The following MYRF variants were observed in gnomAD, a reference collection of about 807,000 sequenced individuals.
The protein encoded by MYRF is myelin gene regulatory factor.
MYRF carries 16 observed loss-of-function variants against 126.3 expected under a neutral mutation model. The observed-to-expected ratio is 0.13, with a 90% CI of 0.09 to 0.19. The LOEUF is 0.19. Ranked by LOEUF, MYRF falls within the 10% of genes least tolerant of loss-of-function variation. The pLI, the probability that MYRF is intolerant of heterozygous loss-of-function variation, is 1.00. For missense variants in MYRF, 1,104 were observed against 1,547.0 expected (o/e 0.71, Z 4.80); for synonymous variants, 608 against 635.3 (o/e 0.96, Z 0.65).
Position 61,779,517 on chromosome 11 carries a change from A to C in MYRF, c.2194A>C (p.Ser732Arg), listed in dbSNP as rs780298957. ...CTGCAGCCATGCAGGGAGCCAGTTC[A>C]GTCGGGCGGGCAGCGTCCCCCACAA... ...GAFSHAGSQF[S>R]RAGSVPHKKR... Residue 732 changes from serine to arginine, a missense_variant, in exon 16 of 27, where the codon AGT becomes CGT. By Grantham distance (110) the Ser-to-Arg change is moderately radical. Around this residue, in one of 10 missense-constraint regions of MYRF, gnomAD observed 323 missense variants for 383.1 expected, o/e 0.84. Coordinates refer to ENST00000278836, the MANE Select transcript of MYRF (RefSeq NM_001127392.3). The C allele has an allele frequency of 8.6e-6, 13 of 1,516,990 alleles. No individual in the cohort carries two copies. Among genetic ancestry groups the C allele is most frequent in the Non-Finnish European group, 1.1e-5 (12 of 1,129,976 alleles). The allele number at this position is 1,516,990 out of a possible 1,614,324, so 94.0% of individuals were successfully genotyped here.
chr11:61,785,726 G>A (rs561442897), intron 25 of MYRF, 74 bp from the exon 26 acceptor site: 37 of 1,287,154 alleles, frequency 2.9e-5, no homozygotes, highest in South Asian at 1.1e-4. Context: ...CCAGGACTGC[G>A]ACGGCCGTGG....
intron 1 of MYRF, among the ~76,000 whole-genome samples, chr11:61,759,663 T>G (rs1270588445): frequency 6.6e-6 from 1 of 151,770 alleles, no homozygotes; most frequent in Non-Finnish European, 1.5e-5. Flanking sequence ...GAGTGAAACT[T>G]TGTCTCAAAA....
intron 18 of MYRF, 117 bp from the exon 19 acceptor site, chr11:61,780,594 AG>A: frequency 9.9e-7 from 1 of 1,011,784 alleles, no homozygotes; most frequent in African/African-American, 1.6e-5. Flanking sequence ...GGGCCAGGGC[AG>A]GGCCTTGGGC....
intron 21 of MYRF, 115 bp from the exon 22 acceptor site, chr11:61,781,458 C>T (rs1056367764): frequency 2.0e-5 from 31 of 1,539,706 alleles, no homozygotes; most frequent in Non-Finnish European, 2.6e-5. Context: ...GGGAAGTTCC[C>T]CTGAGAGGAC....
At chr11:61,760,239 T>C (rs546991529) in intron 1 of MYRF, among the ~76,000 whole-genome samples, 2 of 152,260 alleles carry the variant, frequency 1.3e-5, no homozygotes, top group African/African-American at 4.8e-5. Flanking sequence ...AGTGCTGGGA[T>C]TACAGGTGTG....
At chr11:61,752,988 G>A (rs1324312137) in intron 1 of MYRF, among the ~76,000 whole-genome samples, 198 bp downstream of exon 1, 1 of 151,986 alleles carries the variant, frequency 6.6e-6, no homozygotes, top group African/African-American at 2.4e-5. Flanking sequence ...CTGAAGTTGG[G>A]CTCCCCCTCC....
Position 61,776,537 on chromosome 11 carries a change from C to G in MYRF, c.1499+105C>G. 1 of 941,950 alleles carries G rather than the reference C, an allele frequency of 1.1e-6. No individual in the cohort carries two copies. Among genetic ancestry groups the G allele is most frequent in the Middle Eastern group, 2.2e-4 (1 of 4,610 alleles). 58.3% of individuals were successfully genotyped at this position (941,950 alleles called of 1,614,324 possible). A position where few individuals can be genotyped will look rare whatever the true frequency, so the allele number is the denominator to read the frequency against. On this transcript the variant is annotated intron_variant, in intron 10 of 26. Coordinates refer to ENST00000278836, the MANE Select transcript of MYRF (RefSeq NM_001127392.3). The surrounding 1 kb of genome is among the most constrained non-coding windows in gnomAD (Gnocchi z 4.3). Reference sequence around the variant, plus strand: ...CAGAGTCCTACAGGCTGAGCCATTTCACAGATGAGAGACCTGAGATTTAGA... The same window carrying G: ...CAGAGTCCTACAGGCTGAGCCATTTGACAGATGAGAGACCTGAGATTTAGA...
intron 26 of MYRF, 73 bp from the exon 27 acceptor site, chr11:61,785,990 C>A: frequency 6.4e-7 from 1 of 1,556,244 alleles, no homozygotes; most frequent in Non-Finnish European, 8.9e-7. Flanking sequence ...CAGTGTCAAG[C>A]AATGTCAGCA....
chr11:61,777,643 T>G lies in MYRF; in HGVS notation c.1792-91T>G, dbSNP rs2066423625. The G allele has an allele frequency of 7.3e-7, 1 of 1,362,674 alleles. No individual in the cohort carries two copies. Among genetic ancestry groups the G allele is most frequent in the Non-Finnish European group, 1.0e-6 (1 of 987,618 alleles). 84.4% of individuals were successfully genotyped at this position (1,362,674 alleles called of 1,614,324 possible). A position where few individuals can be genotyped will look rare whatever the true frequency, so the allele number is the denominator to read the frequency against. On this transcript the variant is annotated intron_variant, in intron 12 of 26. Transcript: ENST00000278836. This position sits in a 1 kb window ranked among gnomAD's most constrained non-coding sequence, Gnocchi z 8.8. ...CAGTGGTGGGGTCTCCTCTCCACAC[T>G]GCAGCCTCCAGGCTGCCGCCCTCCT...
rs1433683019 is a variant in MYRF at position 61,780,264 on chromosome 11, AGAG to A, written c.2385_2387del (p.Glu795del). The A allele has an allele frequency of 1.9e-6, 3 of 1,613,758 alleles. No homozygotes were observed. The highest frequency in any genetic ancestry group is 8.5e-7 in the Non-Finnish European group (1 of 1,179,878). On this transcript the variant is annotated inframe_deletion, in exon 18 of 27. Coordinates refer to ENST00000278836, the MANE Select transcript of MYRF (RefSeq NM_001127392.3). The stretch of plus-strand genomic sequence containing the variant: ...CACTGTACGTGCTGAGCCTGCGCAC[AGAG>A]GAGGACCTGGTAGACACTGATGGGT...
rs2066234692 is a variant in MYRF, at chr11:61,771,961, C to T, written c.1115+9C>T. The stretch of plus-strand genomic sequence containing the variant: ...GCTAACTACAAGGAGCTGTGAGTGC[C>T]CTACAACACTCCCCACTCCTCCAGG... On this transcript the variant is annotated intron_variant, in intron 7 of 26. Transcript: ENST00000278836. 6.2e-7 allele frequency: 1 copy of T among 1,613,854 alleles called. No homozygotes were observed. Among genetic ancestry groups the T allele is most frequent in the Non-Finnish European group, 8.5e-7 (1 of 1,179,868 alleles).
Position 61,770,345 on chromosome 11 carries a change from G to GGGCCC in MYRF, c.560_561insGGCCC (p.Pro188AlafsTer22). 78 of 1,504,430 alleles carry GGGCCC rather than the reference G, an allele frequency of 5.2e-5. No homozygotes were observed. The highest frequency in any genetic ancestry group is 6.6e-5 in the Non-Finnish European group (73 of 1,109,130). The allele number at this position is 1,504,430 out of a possible 1,614,324, so 93.2% of individuals were successfully genotyped here. A position where few individuals can be genotyped will look rare whatever the true frequency, so the allele number is the denominator to read the frequency against. The stretch of plus-strand genomic sequence containing the variant: ...CCCCCACCTCCAGCCCACTTGCCAG[G>GGGCCC]CCCCCCGCCACCCCCACCACCCCCA... On this transcript the variant is annotated frameshift_variant, in exon 5 of 27. Coordinates refer to ENST00000278836, the MANE Select transcript of MYRF (RefSeq NM_001127392.3). LOFTEE classifies it high-confidence loss of function.
chr11:61,752,919 A>G, intron 1 of MYRF, 129 bp downstream of exon 1: 1 of 904,568 alleles, frequency 1.1e-6, no homozygotes, highest in Non-Finnish European at 1.6e-6. Flanking sequence ...GGCTGGCACC[A>G]GCCCGCCAAG....
chr11:61,771,379 G>A lies in MYRF; in HGVS notation c.741-121G>A, dbSNP rs2066214490. 5 of 1,355,900 alleles carry A rather than the reference G, an allele frequency of 3.7e-6. No individual in the cohort carries two copies. In the African/African-American group the frequency reaches 4.4e-5, roughly 12 times the overall value. 84.0% of individuals were successfully genotyped at this position (1,355,900 alleles called of 1,614,324 possible). A position where few individuals can be genotyped will look rare whatever the true frequency, so the allele number is the denominator to read the frequency against. ...AGCCTGAGGGCTTCCTGAAGGAGGTGTCCTCTGGGCGGGGCACATCCTGGC... is the reference window on the plus strand; with the variant it reads ...AGCCTGAGGGCTTCCTGAAGGAGGTATCCTCTGGGCGGGGCACATCCTGGC... On this transcript the variant is annotated intron_variant, in intron 5 of 26. Transcript: ENST00000278836.
chr11:61,767,987 G>A (rs1428151586), intron 3 of MYRF, among the ~76,000 whole-genome samples: 6 of 151,714 alleles, frequency 4.0e-5, no homozygotes, highest in African/African-American at 9.7e-5. Context: ...GTGTGGTGGC[G>A]CATGCCTGTA....
intron 1 of MYRF, chr11:61,755,692 C>G (rs962843187): frequency 1.0e-5 from 7 of 695,068 alleles, no homozygotes; most frequent in African/African-American, 3.5e-5. Context: ...GCTCACTGCC[C>G]AGCCCTGGGA....
chr11:61,763,270 C>T (rs567343682), intron 1 of MYRF, among the ~76,000 whole-genome samples: 1 of 152,326 alleles, frequency 6.6e-6, no homozygotes, highest in East Asian at 1.9e-4. Context: ...GAGACTTGAC[C>T]TCTCTGAACA....
chr11:61,781,587 G>A lies in MYRF; in HGVS notation c.2779G>A (p.Ala927Thr), dbSNP rs1464052310. Residue 927 changes from alanine (A) to threonine (T), a missense_variant, in exon 22 of 27, where the codon GCC (alanine) becomes ACC (threonine). By Grantham distance (58) the Ala-to-Thr change is moderately conservative. Transcript: ENST00000278836. Reference protein sequence around the residue: ...STNRSGPSQMALLPVTNIRAK... With the variant: ...STNRSGPSQMTLLPVTNIRAK... ...TCTATCCACAGGCCCCAGCCAGATG[G>A]CCCTTCTGCCAGTCACCAACATCAG... is the stretch of plus-strand genomic sequence containing the variant. 6.2e-7 allele frequency: 1 copy of A among 1,613,672 alleles called. No homozygotes were observed. The highest frequency in any genetic ancestry group is 1.1e-5 in the South Asian group (1 of 91,074).
In MYRF at chr11:61,761,267, G is replaced by GGT. The variant is rs1555053584; in HGVS notation, c.47-4357_47-4356insTG. 5.9e-5 allele frequency among the ~76,000 whole-genome samples: 9 copies of GGT among 151,778 alleles called. No individual in the cohort carries two copies. The East Asian group carries it at 9.7e-4, about 16-fold the overall frequency. The stretch of plus-strand genomic sequence containing the variant: ...CCAACGGCCACAGCTGGTGGGGGGG[G>GGT]GGGCACATAAGCACAAGGAGGGGCG... On this transcript the variant is annotated intron_variant, in intron 1 of 26. Transcript: ENST00000278836.
Sources: allele counts gnomAD v4.1 joint callset (sites outside exome capture counted in the v4.1 genomes callset), GRCh38; gene constraint gnomAD v4.1.1; regional missense constraint gnomAD v4.1.1; non-coding constraint Gnocchi (gnomAD v3.1); transcripts MANE v1.5; gene names NCBI Gene and HGNC (gene_info 2026-07-23, HGNC 2026-07-21).